The following MRPL19 variants were observed in gnomAD, a reference collection of about 807,000 sequenced individuals.
The protein encoded by MRPL19 is mitochondrial ribosomal protein L19.
Under a neutral mutation model 34.0 loss-of-function variants are expected in MRPL19, and 31 were observed. The ratio of observed to expected loss-of-function variants is 0.91; its 90% CI spans 0.68 to 1.23. The LOEUF (loss-of-function observed/expected upper bound fraction) is 1.23, where lower values mean the gene tolerates loss of function less well. Among genes scored for constraint, MRPL19 ranks in the 50% most tolerant of loss-of-function variants. The probability of loss-of-function intolerance (pLI) is 0.00; values close to 1 mark genes in which losing one functional copy is unlikely to be tolerated. For synonymous variants in MRPL19, 152 were observed against 127.7 expected (o/e 1.19, Z -1.28); for missense variants, 384 against 367.6 (o/e 1.04, Z -0.37).
Position 75,656,594 on chromosome 2 carries a change from G to T in MRPL19, c.*1309G>T, listed in dbSNP as rs577784568. 6.6e-6 allele frequency: 1 copy of T among 152,028 alleles called. No homozygotes were observed. The highest frequency in any genetic ancestry group is 6.6e-5 in the Admixed American group (1 of 15,262). The allele number at this position is 152,028 out of a possible 1,614,324, so 9.4% of individuals were successfully genotyped here. On this transcript the variant is annotated 3_prime_UTR_variant, in exon 6 of 6. Coordinates refer to ENST00000393909, the MANE Select transcript of MRPL19 (RefSeq NM_014763.4). ...CTCATGTTTGATTGATACTTTATAC[G>T]TTTAGGTAGGAGGTAATTTTCCTTC...
intron 2 of MRPL19, 191 bp downstream of exon 2, chr2:75,647,410 T>A (rs1678248155): frequency 1.7e-6 from 1 of 581,644 alleles, no homozygotes; most frequent in African/African-American, 1.9e-5. Flanking sequence ...TTGAACTTCT[T>A]TGCAGTTTTA....
chr2:75,651,075 T>A (rs896632149), intron 2 of MRPL19, among the ~76,000 whole-genome samples: 5 of 152,202 alleles, frequency 3.3e-5, no homozygotes, highest in South Asian at 2.1e-4. Flanking sequence ...GCAAGGAATG[T>A]ATCATGGCCT....
In MRPL19 at chr2:75,655,147, T is replaced by C. The variant is rs1042819357; in HGVS notation, c.741T>C (p.Leu247=). 6.2e-7 allele frequency: 1 copy of C among 1,613,208 alleles called. No homozygotes were observed. The highest frequency in any genetic ancestry group is 1.7e-5 in the Admixed American group (1 of 59,872). ...NFNIKGIRFD[L]CLTEQQMKEA... ...ATATTAAAGGAATCAGATTTGATCTTTGTTTAACTGAACAGCAAATGAAAG... is the reference window on the plus strand; with the variant it reads ...ATATTAAAGGAATCAGATTTGATCTCTGTTTAACTGAACAGCAAATGAAAG... Residue 247 remains leucine (L), a synonymous_variant, in exon 6 of 6, where the codon CTT becomes CTC. Coordinates refer to ENST00000393909, the MANE Select transcript of MRPL19 (RefSeq NM_014763.4).
rs1678456486 is a variant in MRPL19 at position 75,656,501 on chromosome 2, G to T, written c.*1216G>T. ...TTATTGAGTACTAACTTGTTTTGCT[G>T]CAGCACATCCTTTGGTAGCTTCTAG... On this transcript the variant is annotated 3_prime_UTR_variant, in exon 6 of 6. Transcript: ENST00000393909. 1 of 152,068 alleles carries T rather than the reference G, an allele frequency of 6.6e-6. No homozygotes were observed. Among genetic ancestry groups the T allele is most frequent in the Admixed American group, 6.6e-5 (1 of 15,264 alleles). 9.4% of individuals were successfully genotyped at this position (152,068 alleles called of 1,614,324 possible).
Position 75,652,622 on chromosome 2 carries a change from C to A in MRPL19, c.440C>A (p.Ala147Asp), listed in dbSNP as rs1364193074. Reference protein sequence around the residue: ...CIQRSGRGLGATFILRNVIEG... With the variant: ...CIQRSGRGLGDTFILRNVIEG... ...CAGAGATCAGGAAGAGGACTTGGAG[C>A]TACTTTCATCCTTAGGAATGTTATC... Residue 147 changes from alanine to aspartate, a missense_variant, in exon 4 of 6, where the codon GCT (alanine) becomes GAT (aspartate). Coordinates refer to ENST00000393909, the MANE Select transcript of MRPL19 (RefSeq NM_014763.4). 2.5e-6 allele frequency: 4 copies of A among 1,613,388 alleles called. No homozygotes were observed. The highest frequency in any genetic ancestry group is 1.3e-5 in the African/African-American group (1 of 74,896).
Position 75,657,561 on chromosome 2 carries a change from C to A in MRPL19, c.*2276C>A, listed in dbSNP as rs1573030485. Reference sequence around the variant, plus strand: ...AGAACCTCTCAAAATAAAAGGTTAACAAGAGCCTATATCTTATATTTTTCT... The same window carrying A: ...AGAACCTCTCAAAATAAAAGGTTAAAAAGAGCCTATATCTTATATTTTTCT... On this transcript the variant is annotated 3_prime_UTR_variant, in exon 6 of 6. Transcript: ENST00000393909. 1.3e-5 allele frequency: 2 copies of A among 152,144 alleles called. No homozygotes were observed. Among genetic ancestry groups the A allele is most frequent in the Admixed American group, 1.3e-4 (2 of 15,266 alleles). 9.4% of individuals were successfully genotyped at this position (152,144 alleles called of 1,614,324 possible). A position where few individuals can be genotyped will look rare whatever the true frequency, so the allele number is the denominator to read the frequency against.
In MRPL19 at chr2:75,661,223, T is replaced by C. The variant is rs570882050; in HGVS notation, c.*5938T>C. ...ATGTCACAAAGCTTTCTTGCCATTTTAAAGTTGCCTGTTCTTGACTCAGCA... is the reference window on the plus strand; with the variant it reads ...ATGTCACAAAGCTTTCTTGCCATTTCAAAGTTGCCTGTTCTTGACTCAGCA... On this transcript the variant is annotated 3_prime_UTR_variant, in exon 6 of 6. Coordinates refer to ENST00000393909, the MANE Select transcript of MRPL19 (RefSeq NM_014763.4). 1.3e-5 allele frequency: 2 copies of C among 152,340 alleles called. No individual in the cohort carries two copies. The highest frequency in any genetic ancestry group is 4.1e-4 in the South Asian group (2 of 4,830). The allele number at this position is 152,340 out of a possible 1,614,324, so 9.4% of individuals were successfully genotyped here.
chr2:75,655,556 A>G lies in MRPL19; in HGVS notation c.*271A>G. The G allele has an allele frequency of 3.2e-6, 1 of 315,146 alleles. No individual in the cohort carries two copies. Among genetic ancestry groups the G allele is most frequent in the Non-Finnish European group, 5.8e-6 (1 of 172,920 alleles). 19.5% of individuals were successfully genotyped at this position (315,146 alleles called of 1,614,324 possible). ...AGCATCACCAGAATGGTCTTTAATGAGCATGGAACCTGAGCAAAGGGAATA... is the reference window on the plus strand; with the variant it reads ...AGCATCACCAGAATGGTCTTTAATGGGCATGGAACCTGAGCAAAGGGAATA... On this transcript the variant is annotated 3_prime_UTR_variant, in exon 6 of 6. Coordinates refer to ENST00000393909, the MANE Select transcript of MRPL19 (RefSeq NM_014763.4).
intron 2 of MRPL19, chr2:75,651,674 G>A: frequency 3.1e-6 from 1 of 326,908 alleles, no homozygotes; most frequent in South Asian, 2.7e-5. Flanking sequence ...TATAATTAGT[G>A]ATTTATATGT....
chr2:75,661,685 TACAAG>T lies in MRPL19; in HGVS notation c.*6404_*6408del, dbSNP rs1193071960. The T allele has an allele frequency of 5.3e-5, 8 of 152,154 alleles. No homozygotes were observed. Among genetic ancestry groups the T allele is most frequent in the Non-Finnish European group, 8.8e-5 (6 of 68,032 alleles). 9.4% of individuals were successfully genotyped at this position (152,154 alleles called of 1,614,324 possible). A position where few individuals can be genotyped will look rare whatever the true frequency, so the allele number is the denominator to read the frequency against. On this transcript the variant is annotated 3_prime_UTR_variant, in exon 6 of 6. Coordinates refer to ENST00000393909, the MANE Select transcript of MRPL19 (RefSeq NM_014763.4). ...AGAAGGCTCCTATGTGCCGATGCTG[TACAAG>T]ACATTTCATTTCTCTTAATGTTTAC...
rs755188905 is a variant in MRPL19, at chr2:75,646,911, G to A, written c.103+1G>A. 7 of 1,587,064 alleles carry A rather than the reference G, an allele frequency of 4.4e-6. No homozygotes were observed. Among genetic ancestry groups the A allele is most frequent in the Non-Finnish European group, 6.0e-6 (7 of 1,167,078 alleles). On this transcript the variant is annotated splice_donor_variant, in intron 1 of 5. Transcript: ENST00000393909. LOFTEE classifies it high-confidence loss of function. ...CCCCCGCCGGCCTCTATCGCCTGCAGTAAGTGGAGCCGGACTTGCGAGCTG... is the reference window on the plus strand; with the variant it reads ...CCCCCGCCGGCCTCTATCGCCTGCAATAAGTGGAGCCGGACTTGCGAGCTG...
chr2:75,652,359 A>G (rs898792693), intron 3 of MRPL19, 99 bp downstream of exon 3: 1 of 1,307,658 alleles, frequency 7.6e-7, no homozygotes, highest in Non-Finnish European at 1.1e-6. Context: ...ATTGTTTTTT[A>G]CATATCTGGG....
At chr2:75,654,416 C>CAT (rs1678393337) in intron 4 of MRPL19, among the ~76,000 whole-genome samples, 1 of 152,122 alleles carries the variant, frequency 6.6e-6, no homozygotes, top group African/African-American at 2.4e-5. Context: ...AAAAACGTGA[C>CAT]ATAGGGAAGA....
intron 2 of MRPL19, 148 bp downstream of exon 2, chr2:75,647,367 GTTCT>G: frequency 2.8e-6 from 2 of 702,984 alleles, no homozygotes; most frequent in East Asian, 3.1e-5. Context: ...GCACCACACT[GTTCT>G]TTCTTTCTCA....
At position 75,647,206 on chromosome 2, in the gene MRPL19, G is replaced by C. The variant is rs907605616; in HGVS notation, c.208G>C (p.Glu70Gln). The C allele has an allele frequency of 8.9e-6, 14 of 1,580,656 alleles. No individual in the cohort carries two copies. The highest frequency in any genetic ancestry group is 1.1e-5 in the Non-Finnish European group (13 of 1,163,010). The change falls in exon 2 of 6, where the codon GAA becomes CAA. Residue 70 changes from glutamate to glutamine, a missense_variant. Glu to Gln is a conservative substitution (Grantham distance 29). Coordinates refer to ENST00000393909, the MANE Select transcript of MRPL19 (RefSeq NM_014763.4). The part of the protein sequence containing the change: ...PVIVDKHRPV[E>Q]PERRFLSPEF... ...CATCGTGGACAAGCACCGCCCCGTG[G>C]AACCGGAACGCAGGTGAGGCACTGC...
Position 75,656,064 on chromosome 2 carries a change from T to C in MRPL19, c.*779T>C, listed in dbSNP as rs1678444886. Reference sequence around the variant, plus strand: ...GAGTGAGTTCTGCTAAACAGAAGGCTCACCACAAGGTATCTGGCAGGATTA... The same window carrying C: ...GAGTGAGTTCTGCTAAACAGAAGGCCCACCACAAGGTATCTGGCAGGATTA... On this transcript the variant is annotated 3_prime_UTR_variant, in exon 6 of 6. Coordinates refer to ENST00000393909, the MANE Select transcript of MRPL19 (RefSeq NM_014763.4). 1.3e-5 allele frequency: 2 copies of C among 152,204 alleles called. No individual in the cohort carries two copies. Among genetic ancestry groups the C allele is most frequent in the Admixed American group, 1.3e-4 (2 of 15,280 alleles). 9.4% of individuals were successfully genotyped at this position (152,204 alleles called of 1,614,324 possible). A position where few individuals can be genotyped will look rare whatever the true frequency, so the allele number is the denominator to read the frequency against.
chr2:75,646,980 G>A, intron 1 of MRPL19, 70 bp downstream of exon 1: 11 of 1,486,912 alleles, frequency 7.4e-6, no homozygotes, highest in Non-Finnish European at 9.9e-6. Context: ...AGGCGAACCT[G>A]GAGATCAGAG....
Position 75,646,868 on chromosome 2 carries a change from G to A in MRPL19, c.61G>A (p.Ala21Thr). ...AAMGLGRSFQ[A>T]ARTLLPPPAS... The stretch of plus-strand genomic sequence containing the variant: ...AATGGGCCTAGGCCGGAGTTTCCAA[G>A]CCGCCAGGACTCTGCTCCCCCCGCC... Residue 21 changes from alanine (A) to threonine (T), a missense_variant, in exon 1 of 6, where the codon GCC becomes ACC. Ala to Thr is a moderately conservative substitution (Grantham distance 58). Coordinates refer to ENST00000393909, the MANE Select transcript of MRPL19 (RefSeq NM_014763.4). 1 of 1,597,084 alleles carries A rather than the reference G, an allele frequency of 6.3e-7. No homozygotes were observed. The highest frequency in any genetic ancestry group is 1.3e-5 in the African/African-American group (1 of 74,828).
At chr2:75,650,552 AT>A (rs554072478) in intron 2 of MRPL19, among the ~76,000 whole-genome samples, 1 of 152,212 alleles carries the variant, frequency 6.6e-6, no homozygotes, top group Non-Finnish European at 1.5e-5. Context: ...AAAATGGGAC[AT>A]TACCCAAGGT....
Sources: allele counts gnomAD v4.1 joint callset (sites outside exome capture counted in the v4.1 genomes callset), GRCh38; gene constraint gnomAD v4.1.1; transcripts MANE v1.5; gene names NCBI Gene and HGNC (gene_info 2026-07-23, HGNC 2026-07-21).